The following ZDHHC12 variants were observed in gnomAD, a reference collection of about 807,000 sequenced individuals.
ZDHHC12 encodes palmitoyltransferase ZDHHC12.
In ZDHHC12, 26 loss-of-function variants were observed where a neutral mutation model predicts 33.2. That is an observed-to-expected ratio of 0.78 (90% CI 0.57 to 1.09). The LOEUF (loss-of-function observed/expected upper bound fraction) is 1.09, where lower values mean the gene tolerates loss of function less well. ZDHHC12 is among the 50% of genes least tolerant of loss of function. The pLI is 0.00. For missense variants in ZDHHC12, 350 were observed against 353.0 expected (o/e 0.99, Z 0.07); for synonymous variants, 154 against 152.1 (o/e 1.01, Z -0.09).
chr9:128,723,721 C>G lies in ZDHHC12; in HGVS notation c.100+273G>C, dbSNP rs76240587. 4,154 of 516,856 alleles carry G rather than the reference C, an allele frequency of 8.0e-3. 147 individuals are homozygous for G. Among genetic ancestry groups the G allele is most frequent in the African/African-American group, 0.073 (3,753 of 51,156 alleles). The allele number at this position is 516,856 out of a possible 1,614,324, so 32.0% of individuals were successfully genotyped here. On this transcript the variant is annotated intron_variant, in intron 1 of 4. Transcript: ENST00000372663. This position sits in a 1 kb window ranked among gnomAD's most constrained non-coding sequence, Gnocchi z 4.4. ...CAGGGGACATGGGGCTCAAGTCGGT[C>G]CTTGGATCTGGTGGGCACCGGCTGG...
chr9:128,721,695 C>T lies in ZDHHC12; in HGVS notation c.438G>A (p.Leu146=), dbSNP rs752056993. The change falls in exon 4 of 5, where the codon CTG becomes CTA. Residue 146 remains leucine, a synonymous_variant. Transcript: ENST00000372663. This position sits in a 1 kb window ranked among gnomAD's most constrained non-coding sequence, Gnocchi z 6.9. ...ACAGAAGCACCACCAGCTGCAGCGC[C>T]AGGTAGACCACAAAGAGTGGGTGGT... ...ERNHPLFVVY[L]ALQLVVLLWG... The T allele has an allele frequency of 3.1e-6, 5 of 1,613,962 alleles. No homozygotes were observed. In the Admixed American group the frequency reaches 6.7e-5, roughly 22 times the overall value.
Position 128,721,922 on chromosome 9 carries a change from G to C in ZDHHC12, c.315+87C>G, listed in dbSNP as rs1394887103. 3 of 1,605,856 alleles carry C rather than the reference G, an allele frequency of 1.9e-6. No homozygotes were observed. Among genetic ancestry groups the C allele is most frequent in the African/African-American group, 1.3e-5 (1 of 74,822 alleles). ...TTCTGGAAGGCCTTCTTGGAGGAGGGGCGAGGCCCAGGCAGTGGGGCAGGA... is the reference window on the plus strand; with the variant it reads ...TTCTGGAAGGCCTTCTTGGAGGAGGCGCGAGGCCCAGGCAGTGGGGCAGGA... On this transcript the variant is annotated intron_variant, in intron 3 of 4. Coordinates refer to ENST00000372663, the MANE Select transcript of ZDHHC12 (RefSeq NM_032799.5). The surrounding 1 kb of genome is among the most constrained non-coding windows in gnomAD (Gnocchi z 6.9).
chr9:128,722,619 G>GA lies in ZDHHC12; in HGVS notation c.101-46_101-45insT. On this transcript the variant is annotated intron_variant, in intron 1 of 4. Coordinates refer to ENST00000372663, the MANE Select transcript of ZDHHC12 (RefSeq NM_032799.5). The surrounding 1 kb of genome is among the most constrained non-coding windows in gnomAD (Gnocchi z 4.2). ...CAGTGAGGCTGGGCCGGGTAGAACA[G>GA]GAGTGGGTGGGGTTGGGGTGCAGTT... 6.4e-7 allele frequency: 1 copy of GA among 1,573,692 alleles called. No homozygotes were observed. The highest frequency in any genetic ancestry group is 8.6e-7 in the Non-Finnish European group (1 of 1,159,120).
Position 128,721,933 on chromosome 9 carries a change from G to A in ZDHHC12, c.315+76C>T. On this transcript the variant is annotated intron_variant, in intron 3 of 4. Coordinates refer to ENST00000372663, the MANE Select transcript of ZDHHC12 (RefSeq NM_032799.5). This position sits in a 1 kb window ranked among gnomAD's most constrained non-coding sequence, Gnocchi z 6.9. ...CTTCTTGGAGGAGGGGCGAGGCCCA[G>A]GCAGTGGGGCAGGAGGAGGTCGAGG... 1 of 1,608,406 alleles carries A rather than the reference G, an allele frequency of 6.2e-7. No individual in the cohort carries two copies. Among genetic ancestry groups the A allele is most frequent in the African/African-American group, 1.3e-5 (1 of 74,966 alleles).
chr9:128,720,977 C>A lies in ZDHHC12; in HGVS notation c.*204G>T. 3.1e-6 allele frequency: 2 copies of A among 640,882 alleles called. No homozygotes were observed. Among genetic ancestry groups the A allele is most frequent in the East Asian group, 5.7e-5 (2 of 35,006 alleles). The allele number at this position is 640,882 out of a possible 1,614,324, so 39.7% of individuals were successfully genotyped here. A position where few individuals can be genotyped will look rare whatever the true frequency, so the allele number is the denominator to read the frequency against. ...GCCCGGGGTCTGCTTGGGCCTGAGC[C>A]ACCCACAGGTCCTTTTCTTCCCCTT... On this transcript the variant is annotated 3_prime_UTR_variant, in exon 5 of 5. Transcript: ENST00000372663. This position sits in a 1 kb window ranked among gnomAD's most constrained non-coding sequence, Gnocchi z 5.5.
In ZDHHC12 at chr9:128,722,548, C is replaced by A; in HGVS notation, c.127G>T (p.Glu43Ter). 1 of 1,592,076 alleles carries A rather than the reference C, an allele frequency of 6.3e-7. No individual in the cohort carries two copies. The highest frequency in any genetic ancestry group is 8.6e-7 in the Non-Finnish European group (1 of 1,169,378). ...AGGAAGGTGAGGGGCAGGAGCAGCT[C>A]CCCCTGCTCCTCCCATTGCCGCAGC... Reference protein sequence around the residue: ...TELRQWEEQGELLLPLTFLLL... With the variant: ...TELRQWEEQG Residue 43 changes from glutamate (E) to a stop codon, truncating the protein, a stop_gained, in exon 2 of 5, where the codon GAG becomes TAG. Coordinates refer to ENST00000372663, the MANE Select transcript of ZDHHC12 (RefSeq NM_032799.5). LOFTEE classifies it high-confidence loss of function. The surrounding 1 kb of genome is among the most constrained non-coding windows in gnomAD (Gnocchi z 4.2).
Position 128,721,517 on chromosome 9 carries a change from ACAGGGGCCTGGTGCTGGGGGAGGG to A in ZDHHC12, c.483-39_483-16del, listed in dbSNP as rs761319067. The A allele has an allele frequency of 1.9e-6, 3 of 1,598,940 alleles. No homozygotes were observed. In the Admixed American group the frequency reaches 5.2e-5, roughly 28 times the overall value. ...GGAGGCCTGACCTGCGGTGCAGGGGACAGGGGCCTGGTGCTGGGGGAGGGCAGGGGAGCCCTTCCCTCCCCATGC... is the reference window on the plus strand; with the variant it reads ...GGAGGCCTGACCTGCGGTGCAGGGGACAGGGGAGCCCTTCCCTCCCCATGC... On this transcript the variant is annotated splice_polypyrimidine_tract_variant and intron_variant, in intron 4 of 4. Transcript: ENST00000372663. This position sits in a 1 kb window ranked among gnomAD's most constrained non-coding sequence, Gnocchi z 6.9.
rs1564382753 is a variant in ZDHHC12, at chr9:128,722,615, A to T, written c.101-41T>A. On this transcript the variant is annotated intron_variant, in intron 1 of 4. Coordinates refer to ENST00000372663, the MANE Select transcript of ZDHHC12 (RefSeq NM_032799.5). This position sits in a 1 kb window ranked among gnomAD's most constrained non-coding sequence, Gnocchi z 4.2. ...AGCACAGTGAGGCTGGGCCGGGTAG[A>T]ACAGGAGTGGGTGGGGTTGGGGTGC... 1 of 1,578,020 alleles carries T rather than the reference A, an allele frequency of 6.3e-7. No homozygotes were observed. The highest frequency in any genetic ancestry group is 2.3e-5 in the East Asian group (1 of 43,264).
chr9:128,722,410 G>C lies in ZDHHC12; in HGVS notation c.237+28C>G. Reference sequence around the variant, plus strand: ...GACTGGTGCTGGTTGTTAGGTCCCTGTTGGTGAGAGTAGGGGCCCCTGGTT... The same window carrying C: ...GACTGGTGCTGGTTGTTAGGTCCCTCTTGGTGAGAGTAGGGGCCCCTGGTT... On this transcript the variant is annotated intron_variant, in intron 2 of 4. Coordinates refer to ENST00000372663, the MANE Select transcript of ZDHHC12 (RefSeq NM_032799.5). The surrounding 1 kb of genome is among the most constrained non-coding windows in gnomAD (Gnocchi z 4.2). The C allele has an allele frequency of 6.8e-7, 1 of 1,472,424 alleles. No homozygotes were observed. The highest frequency in any genetic ancestry group is 9.0e-7 in the Non-Finnish European group (1 of 1,108,858). The allele number at this position is 1,472,424 out of a possible 1,614,324, so 91.2% of individuals were successfully genotyped here. A position where few individuals can be genotyped will look rare whatever the true frequency, so the allele number is the denominator to read the frequency against.
chr9:128,722,211 AGGTGTG>A lies in ZDHHC12; in HGVS notation c.238-131_238-126del. ...TTGGGACCCATCCCATGCAGAATGGAGGTGTGGGGTATGGCGGAGCACCCTGGACTG... is the reference window on the plus strand; with the variant it reads ...TTGGGACCCATCCCATGCAGAATGGAGGGTATGGCGGAGCACCCTGGACTG... On this transcript the variant is annotated intron_variant, in intron 2 of 4. Transcript: ENST00000372663. This position sits in a 1 kb window ranked among gnomAD's most constrained non-coding sequence, Gnocchi z 4.2. 1 of 1,270,640 alleles carries A rather than the reference AGGTGTG, an allele frequency of 7.9e-7. No individual in the cohort carries two copies. The highest frequency in any genetic ancestry group is 1.3e-5 in the South Asian group (1 of 75,804). The allele number at this position is 1,270,640 out of a possible 1,614,324, so 78.7% of individuals were successfully genotyped here.
Position 128,723,923 on chromosome 9 carries a change from C to T in ZDHHC12, c.100+71G>A. 6.4e-7 allele frequency: 1 copy of T among 1,550,980 alleles called. No homozygotes were observed. Among genetic ancestry groups the T allele is most frequent in the Non-Finnish European group, 8.7e-7 (1 of 1,143,536 alleles). ...ATCTCCAGGGATTAGGCGGGAGACC[C>T]AGTGTGACCAGAACGTCTGGGGAAG... On this transcript the variant is annotated intron_variant, in intron 1 of 4. Transcript: ENST00000372663. The surrounding 1 kb of genome is among the most constrained non-coding windows in gnomAD (Gnocchi z 4.4).
In ZDHHC12 at chr9:128,723,901, T is replaced by G; in HGVS notation, c.100+93A>C. On this transcript the variant is annotated intron_variant, in intron 1 of 4. Coordinates refer to ENST00000372663, the MANE Select transcript of ZDHHC12 (RefSeq NM_032799.5). The surrounding 1 kb of genome is among the most constrained non-coding windows in gnomAD (Gnocchi z 4.4). The stretch of plus-strand genomic sequence containing the variant: ...TGGAGATCGGGCCAATCCCAGGATC[T>G]CCAGGGATTAGGCGGGAGACCCAGT... 1 of 1,514,442 alleles carries G rather than the reference T, an allele frequency of 6.6e-7. No individual in the cohort carries two copies. The highest frequency in any genetic ancestry group is 2.5e-5 in the East Asian group (1 of 39,850). The allele number at this position is 1,514,442 out of a possible 1,614,324, so 93.8% of individuals were successfully genotyped here.
chr9:128,722,001 T>C lies in ZDHHC12; in HGVS notation c.315+8A>G. The C allele has an allele frequency of 6.2e-7, 1 of 1,613,920 alleles. No homozygotes were observed. The highest frequency in any genetic ancestry group is 8.5e-7 in the Non-Finnish European group (1 of 1,179,978). On this transcript the variant is annotated splice_region_variant and intron_variant, in intron 3 of 4. Coordinates refer to ENST00000372663, the MANE Select transcript of ZDHHC12 (RefSeq NM_032799.5). This position sits in a 1 kb window ranked among gnomAD's most constrained non-coding sequence, Gnocchi z 4.2. ...AACCTCTCCCACGGGTGTCCGTGCA[T>C]CACTCACCAGCACCAGGCAGTATCT...
Position 128,722,625 on chromosome 9 carries a change from G to A in ZDHHC12, c.101-51C>T. On this transcript the variant is annotated intron_variant, in intron 1 of 4. Coordinates refer to ENST00000372663, the MANE Select transcript of ZDHHC12 (RefSeq NM_032799.5). The surrounding 1 kb of genome is among the most constrained non-coding windows in gnomAD (Gnocchi z 4.2). ...GGCTGGGCCGGGTAGAACAGGAGTG[G>A]GTGGGGTTGGGGTGCAGTTGGAGGT... The A allele has an allele frequency of 1.3e-6, 2 of 1,567,852 alleles. No individual in the cohort carries two copies. Among genetic ancestry groups the A allele is most frequent in the Middle Eastern group, 3.3e-4 (2 of 5,994 alleles).
Position 128,722,078 on chromosome 9 carries a change from G to A in ZDHHC12, c.246C>T (p.Leu82=). The change falls in exon 3 of 5, where the codon CTC becomes CTT. Residue 82 remains leucine (L), a synonymous_variant. Coordinates refer to ENST00000372663, the MANE Select transcript of ZDHHC12 (RefSeq NM_032799.5). This position sits in a 1 kb window ranked among gnomAD's most constrained non-coding sequence, Gnocchi z 4.2. ...GAACCATGGCTGTCTGCTCCTCTTT[G>A]AGCTCCTCCTGGAATGAGGGGTGGG... ...VNVQPQPQEE[L]KEEQTAMVPP... 6.2e-7 allele frequency: 1 copy of A among 1,614,036 alleles called. No homozygotes were observed. The highest frequency in any genetic ancestry group is 2.2e-5 in the East Asian group (1 of 44,880).
Position 128,722,305 on chromosome 9 carries a change from T to A in ZDHHC12, c.237+133A>T. The A allele has an allele frequency of 1.6e-6, 2 of 1,236,786 alleles. No homozygotes were observed. The highest frequency in any genetic ancestry group is 2.2e-6 in the Non-Finnish European group (2 of 903,048). The allele number at this position is 1,236,786 out of a possible 1,614,324, so 76.6% of individuals were successfully genotyped here. ...TGGGGCCCAGCAGTTTCCTCACTAC[T>A]GTAGATGGGGCTCTAGGGGTGGCAA... On this transcript the variant is annotated intron_variant, in intron 2 of 4. Coordinates refer to ENST00000372663, the MANE Select transcript of ZDHHC12 (RefSeq NM_032799.5). The surrounding 1 kb of genome is among the most constrained non-coding windows in gnomAD (Gnocchi z 4.2).
rs10988103 is a variant in ZDHHC12 at position 128,721,519 on chromosome 9, A to G, written c.483-17T>C. On this transcript the variant is annotated splice_polypyrimidine_tract_variant and intron_variant, in intron 4 of 4. Coordinates refer to ENST00000372663, the MANE Select transcript of ZDHHC12 (RefSeq NM_032799.5). The surrounding 1 kb of genome is among the most constrained non-coding windows in gnomAD (Gnocchi z 6.9). ...AGGCCTGACCTGCGGTGCAGGGGAC[A>G]GGGGCCTGGTGCTGGGGGAGGGCAG... 77,318 of 1,598,566 alleles carry G rather than the reference A, an allele frequency of 0.048. 2,165 individuals carry two copies. Among genetic ancestry groups the G allele is most frequent in the Non-Finnish European group, 0.058 (67,869 of 1,171,880 alleles).
Position 128,721,809 on chromosome 9 carries a change from C to G in ZDHHC12, c.324G>C (p.Leu108=). 2 of 1,612,808 alleles carry G rather than the reference C, an allele frequency of 1.2e-6. No homozygotes were observed. The highest frequency in any genetic ancestry group is 1.7e-6 in the Non-Finnish European group (2 of 1,179,604). ...GGCACTCACGGCAGTGCCGAGCCCT[C>G]AGGGGCTGCTGTGGGCATGGAGGAG... ...RCRYCLVLQP[L]RARHCRECRR... The change falls in exon 4 of 5, where the codon CTG becomes CTC. Residue 108 remains leucine, a synonymous_variant. Transcript: ENST00000372663. The surrounding 1 kb of genome is among the most constrained non-coding windows in gnomAD (Gnocchi z 6.9).
rs1339820082 is a variant in ZDHHC12, at chr9:128,722,813, G to A, written c.101-239C>T. 3 of 1,325,620 alleles carry A rather than the reference G, an allele frequency of 2.3e-6. No homozygotes were observed. Among genetic ancestry groups the A allele is most frequent in the Non-Finnish European group, 3.0e-6 (3 of 1,015,372 alleles). The allele number at this position is 1,325,620 out of a possible 1,614,324, so 82.1% of individuals were successfully genotyped here. A position where few individuals can be genotyped will look rare whatever the true frequency, so the allele number is the denominator to read the frequency against. On this transcript the variant is annotated intron_variant, in intron 1 of 4. Coordinates refer to ENST00000372663, the MANE Select transcript of ZDHHC12 (RefSeq NM_032799.5). This position sits in a 1 kb window ranked among gnomAD's most constrained non-coding sequence, Gnocchi z 4.2. ...TGGAAAACCTCATTGCTAAAGAAAT[G>A]GATCAGGGGAAGCCTGGGGGCAGAG...
Sources: allele counts gnomAD v4.1 joint callset, GRCh38; gene constraint gnomAD v4.1.1; non-coding constraint Gnocchi (gnomAD v3.1); transcripts MANE v1.5; gene names NCBI Gene and HGNC (gene_info 2026-07-23, HGNC 2026-07-21).